CNTNAP4: variants seen among roughly 807,000 people sequenced by gnomAD.
CNTNAP4 encodes the protein contactin associated protein family member 4.
A neutral mutation model predicts 148.4 loss-of-function variants in CNTNAP4; 98 were observed. That is an observed-to-expected ratio of 0.66 (90% CI 0.56 to 0.78). The LOEUF is 0.78. CNTNAP4 is among the 30% of genes least tolerant of loss of function. CNTNAP4 has a pLI of 0.00. For missense variants in CNTNAP4, 1,935 were observed against 1,565.6 expected (o/e 1.24, Z -3.98); for synonymous variants, 730 against 565.1 (o/e 1.29, Z -4.14).
intron 1 of CNTNAP4, among the ~76,000 whole-genome samples, chr16:76,303,826 AG>A: frequency 6.6e-6 from 1 of 152,192 alleles, no homozygotes; most frequent in Middle Eastern, 3.2e-3. Context: ...TCGTAAGAAC[AG>A]TTTTACTTTC....
chr16:76,503,253 C>T (rs2082720145), intron 15 of CNTNAP4, among the ~76,000 whole-genome samples: 1 of 152,020 alleles, frequency 6.6e-6, no homozygotes. Context: ...TACTCATGGT[C>T]CTAGCACATG....
intron 2 of CNTNAP4, among the ~76,000 whole-genome samples, chr16:76,338,783 C>T (rs563573151): frequency 1.3e-5 from 2 of 152,208 alleles, no homozygotes; most frequent in African/African-American, 4.8e-5. Flanking sequence ...GACTTTACAA[C>T]CTTTTGGCTC....
In CNTNAP4 at chr16:76,345,624, T is replaced by C. The variant is rs144978121; in HGVS notation, c.197-9694T>C. On this transcript the variant is annotated intron_variant, in intron 2 of 23. Transcript: ENST00000611870. Reference sequence around the variant, plus strand: ...ATCTGTGTTTGCTAATTGGATCTTATGTAAGTTAGGCTCCTACCCTCCCAC... The same window carrying C: ...ATCTGTGTTTGCTAATTGGATCTTACGTAAGTTAGGCTCCTACCCTCCCAC... 6.2e-3 allele frequency among the ~76,000 whole-genome samples: 939 copies of C among 152,244 alleles called. 4 individuals are homozygous for C. Among genetic ancestry groups the C allele is most frequent in the African/African-American group, 0.021 (873 of 41,556 alleles).
At chr16:76,386,212 T>C (rs764634666) in intron 3 of CNTNAP4, among the ~76,000 whole-genome samples, 36 of 152,174 alleles carry the variant, frequency 2.4e-4, no homozygotes, top group Non-Finnish European at 4.9e-4. Flanking sequence ...GAGAAAGAAC[T>C]GTAATTTACT....
At chr16:76,366,744 C>T (rs891279729) in intron 3 of CNTNAP4, among the ~76,000 whole-genome samples, 5 of 151,626 alleles carry the variant, frequency 3.3e-5, no homozygotes, top group African/African-American at 9.7e-5. Flanking sequence ...CTCCCACCAA[C>T]AGTGTATAAG....
chr16:76,403,915 G>C (rs770082278), intron 3 of CNTNAP4, among the ~76,000 whole-genome samples: 23 of 152,156 alleles, frequency 1.5e-4, no homozygotes, highest in African/African-American at 5.1e-4. Flanking sequence ...GATGGAGCTG[G>C]AGGCCATTAT....
At chr16:76,550,577 C>A (rs796335267) in intron 21 of CNTNAP4, among the ~76,000 whole-genome samples, 5 of 151,992 alleles carry the variant, frequency 3.3e-5, no homozygotes, top group African/African-American at 1.2e-4. Flanking sequence ...AACATTTTAA[C>A]CTTGTAGAAG....
At chr16:76,434,853 T>C in intron 4 of CNTNAP4, among the ~76,000 whole-genome samples, 1 of 152,168 alleles carries the variant, frequency 6.6e-6, no homozygotes, top group Non-Finnish European at 1.5e-5. Flanking sequence ...GGGGACGCAC[T>C]GGACCTACTA....
intron 21 of CNTNAP4, among the ~76,000 whole-genome samples, chr16:76,549,409 A>G (rs950777354): frequency 5.3e-5 from 8 of 152,122 alleles, no homozygotes; most frequent in African/African-American, 1.9e-4. Context: ...CACACTGTCT[A>G]CTTGCCCTGG....
chr16:76,388,206 A>G (rs1012678072), intron 3 of CNTNAP4, among the ~76,000 whole-genome samples: 1 of 152,218 alleles, frequency 6.6e-6, no homozygotes, highest in Admixed American at 6.5e-5. Flanking sequence ...ATTTACCCAA[A>G]GAGTTCATTA....
chr16:76,489,335 A>T (rs2143772281), intron 12 of CNTNAP4, among the ~76,000 whole-genome samples: 1 of 152,320 alleles, frequency 6.6e-6, no homozygotes, highest in Admixed American at 6.5e-5. Flanking sequence ...TAAAATAATG[A>T]TGCATCTTTA....
intron 1 of CNTNAP4, among the ~76,000 whole-genome samples, chr16:76,294,209 C>G (rs1959185138): frequency 6.6e-6 from 1 of 152,140 alleles, no homozygotes; most frequent in Non-Finnish European, 1.5e-5. Flanking sequence ...CAGGGACCCA[C>G]AAGCAAATGG....
chr16:76,548,602 C>T (rs764780141), intron 21 of CNTNAP4, among the ~76,000 whole-genome samples: 15 of 151,956 alleles, frequency 9.9e-5, no homozygotes, highest in Non-Finnish European at 1.8e-4. Flanking sequence ...CTTCTTTCGA[C>T]AAGCAGAAGT....
intron 3 of CNTNAP4, among the ~76,000 whole-genome samples, chr16:76,404,461 A>C (rs1314095781): frequency 2.0e-5 from 3 of 151,790 alleles, no homozygotes; most frequent in East Asian, 1.9e-4. Flanking sequence ...CACACACACA[A>C]AGAGGTCAAT....
At chr16:76,352,313 C>T (rs1202162896) in intron 2 of CNTNAP4, among the ~76,000 whole-genome samples, 4 of 152,108 alleles carry the variant, frequency 2.6e-5, no homozygotes, top group South Asian at 2.1e-4. Flanking sequence ...CTCATCCACA[C>T]GCCATGTCCA....
chr16:76,371,821 G>GTGA (rs1295360374), intron 3 of CNTNAP4, among the ~76,000 whole-genome samples: 1 of 152,150 alleles, frequency 6.6e-6, no homozygotes, highest in African/African-American at 2.4e-5. Flanking sequence ...TCTCTTCTGG[G>GTGA]TGATACTCTT....
intron 1 of CNTNAP4, among the ~76,000 whole-genome samples, chr16:76,282,124 C>T (rs964159185): frequency 1.3e-5 from 2 of 151,794 alleles, no homozygotes; most frequent in Non-Finnish European, 2.9e-5. Context: ...AATTATTTAG[C>T]ACACAAATAT....
At chr16:76,519,048 C>CT (rs1315732797) in intron 15 of CNTNAP4, among the ~76,000 whole-genome samples, 1 of 152,118 alleles carries the variant, frequency 6.6e-6, no homozygotes, top group African/African-American at 2.4e-5. Context: ...GTGGGTGTCT[C>CT]TTAGCACAGG....
intron 21 of CNTNAP4, among the ~76,000 whole-genome samples, chr16:76,552,434 T>C (rs4360965): frequency 0.32 from 47,925 of 152,084 alleles, 7,806 homozygotes; most frequent in African/African-American, 0.41. Context: ...GATAAATTTC[T>C]CTTGTTTAGA....
Sources: gnomAD v4.1 joint callset for allele counts (sites outside exome capture counted in the v4.1 genomes callset) on GRCh38, gnomAD v4.1.1 for gene constraint, MANE v1.5 for transcripts, NCBI Gene and HGNC (gene_info 2026-07-23, HGNC 2026-07-21) for gene names.